KIAA1671: variants seen among roughly 807,000 people sequenced by gnomAD.
KIAA1671 encodes uncharacterized protein KIAA1671.
In KIAA1671, 52 loss-of-function variants were observed where a neutral mutation model predicts 131.2. The ratio of observed to expected loss-of-function variants is 0.40; its 90% CI spans 0.32 to 0.50. The LOEUF (loss-of-function observed/expected upper bound fraction) is 0.50, where lower values mean the gene tolerates loss of function less well. Among genes scored for constraint, KIAA1671 ranks in the 20% least tolerant of loss-of-function variants. The pLI is 0.73. For synonymous variants in KIAA1671, 1,003 were observed against 961.6 expected, an observed-to-expected ratio of 1.04 and a Z score of -0.80; for missense variants, 2,360 against 2,364.2, an observed-to-expected ratio of 1.00 and a Z score of 0.04.
chr22:25,106,439 G>C (rs1931008974), intron 6 of KIAA1671, among the ~76,000 whole-genome samples: 1 of 152,208 alleles, frequency 6.6e-6, no homozygotes, highest in South Asian at 2.1e-4. Context: ...GCACCTTCTA[G>C]AAAAGGGGAT....
At chr22:25,079,365 G>A (rs143128480) in intron 6 of KIAA1671, among the ~76,000 whole-genome samples, 10 of 152,228 alleles carry the variant, frequency 6.6e-5, no homozygotes, top group African/African-American at 2.4e-4. Flanking sequence ...GAGGACCTGT[G>A]ATTATAGGGG....
At chr22:25,031,728 C>T (rs1433429135) in intron 3 of KIAA1671, among the ~76,000 whole-genome samples, 12 of 152,190 alleles carry the variant, frequency 7.9e-5, no homozygotes, top group African/African-American at 1.9e-4. Context: ...ACCTATGCCA[C>T]GGTCCTAATA....
chr22:25,117,087 A>G (rs192104893), intron 6 of KIAA1671, among the ~76,000 whole-genome samples: 172 of 152,310 alleles, frequency 1.1e-3, no homozygotes, highest in African/African-American at 3.1e-3. Flanking sequence ...TGTGACAACC[A>G]AAAATATCCA....
chr22:25,116,782 C>T (rs547667716), intron 6 of KIAA1671, among the ~76,000 whole-genome samples: 14 of 152,140 alleles, frequency 9.2e-5, no homozygotes, highest in East Asian at 5.8e-4. Context: ...TGGCTGTGAA[C>T]GAAAGAGACA....
intron 11 of KIAA1671, among the ~76,000 whole-genome samples, chr22:25,187,245 A>G (rs928641830): frequency 6.6e-6 from 1 of 152,276 alleles, no homozygotes; most frequent in East Asian, 1.9e-4. Flanking sequence ...GTGTTTGATT[A>G]TAAAAGCAGT....
chr22:25,157,261 C>A (rs908486889), intron 6 of KIAA1671, among the ~76,000 whole-genome samples: 1 of 152,190 alleles, frequency 6.6e-6, no homozygotes, highest in African/African-American at 2.4e-5. Flanking sequence ...CCTCTAGTCA[C>A]GCAATTCCTC....
intron 6 of KIAA1671, among the ~76,000 whole-genome samples, chr22:25,107,282 T>G (rs1028807186): frequency 3.3e-5 from 5 of 151,876 alleles, no homozygotes; most frequent in Non-Finnish European, 7.4e-5. Flanking sequence ...CCGGGCGTGG[T>G]GGCAGGCACC....
intron 6 of KIAA1671, among the ~76,000 whole-genome samples, chr22:25,151,694 C>G (rs1405494844): frequency 1.3e-5 from 2 of 152,044 alleles, no homozygotes; most frequent in African/African-American, 4.8e-5. Context: ...GCCTCCCCGG[C>G]CTCCCAAAGT....
At chr22:25,074,152 T>A (rs896624381) in intron 6 of KIAA1671, among the ~76,000 whole-genome samples, 1 of 151,910 alleles carries the variant, frequency 6.6e-6, no homozygotes, top group African/African-American at 2.4e-5. Context: ...AAAGGCTGTA[T>A]AATCTGTTGT....
chr22:25,064,414 T>C (rs1928355232), intron 6 of KIAA1671: 1 of 152,224 alleles, frequency 6.6e-6, no homozygotes, highest in Non-Finnish European at 1.5e-5. Flanking sequence ...TTGTACGTAG[T>C]ACCTCATTCA....
chr22:25,002,483 T>G (rs1017456968), intron 1 of KIAA1671, among the ~76,000 whole-genome samples: 1 of 152,132 alleles, frequency 6.6e-6, no homozygotes, highest in Non-Finnish European at 1.5e-5. Context: ...CTTCCTTTAG[T>G]CTTTGGTGGA....
chr22:24,970,269 A>G lies in KIAA1671; in HGVS notation c.-208+17497A>G, dbSNP rs192267674. On this transcript the variant is annotated intron_variant, in intron 1 of 12. Transcript: ENST00000358431. ...GGGAGAAGGACAAGGTCGGCCCACT[A>G]CCTCCAAGAAGGTCTGAAAGCCATG... 2.0e-5 allele frequency among the ~76,000 whole-genome samples: 3 copies of G among 152,094 alleles called. No homozygotes were observed. In the East Asian group the frequency reaches 5.8e-4, roughly 29 times the overall value.
At chr22:25,041,622 A>G in intron 5 of KIAA1671, 97 bp downstream of exon 5, 2 of 1,282,782 alleles carry the variant, frequency 1.6e-6, no homozygotes, top group East Asian at 2.5e-5. Flanking sequence ...CTTTGGGTAC[A>G]TAAATGAGTG....
intron 12 of KIAA1671, among the ~76,000 whole-genome samples, chr22:25,191,111 G>A (rs1302646549): frequency 6.6e-6 from 1 of 151,912 alleles, no homozygotes; most frequent in Non-Finnish European, 1.5e-5. Flanking sequence ...AAAAGGGCGG[G>A]GACATCAGAG....
chr22:25,146,560 G>A (rs1280480567), intron 6 of KIAA1671, among the ~76,000 whole-genome samples: 1 of 152,178 alleles, frequency 6.6e-6, no homozygotes, highest in African/African-American at 2.4e-5. Flanking sequence ...AGAAACTTAG[G>A]AAGTGACATT....
At chr22:25,018,846 A>G (rs1925489255) in intron 1 of KIAA1671, among the ~76,000 whole-genome samples, 1 of 152,194 alleles carries the variant, frequency 6.6e-6, no homozygotes, top group South Asian at 2.1e-4. Flanking sequence ...GGTTATGATG[A>G]ATAATACTGC....
intron 6 of KIAA1671, among the ~76,000 whole-genome samples, chr22:25,115,551 G>A (rs2145920570): frequency 6.6e-6 from 1 of 152,264 alleles, no homozygotes. Flanking sequence ...TGGCATGCAG[G>A]AGGTGCTGAA....
rs1198825825 is a variant in KIAA1671 at position 25,028,370 on chromosome 22, C to T, written c.371C>T (p.Pro124Leu). The change falls in exon 3 of 13, where the codon CCG becomes CTG. Residue 124 changes from proline (P) to leucine (L), a missense_variant. Transcript: ENST00000358431. ...CAGGAGGTGGGCAGTGGGGAGGGCC[C>T]GAGGACGAGCTCGCCCCTCTTCAAC... ...VGQEVGSGEG[P>L]RTSSPLFNKA... 11 of 1,550,810 alleles carry T rather than the reference C, an allele frequency of 7.1e-6. No individual in the cohort carries two copies. The highest frequency in any genetic ancestry group is 9.6e-6 in the Non-Finnish European group (11 of 1,146,930).
At chr22:25,157,570 A>C (rs2027887) in intron 6 of KIAA1671, among the ~76,000 whole-genome samples, 42,104 of 152,068 alleles carry the variant, frequency 0.28, 6,761 homozygotes, top group Non-Finnish European at 0.34. Context: ...ACTCATCGTA[A>C]CCTTAGAACT....
Sources: gnomAD v4.1 joint callset for allele counts (sites outside exome capture counted in the v4.1 genomes callset) on GRCh38, gnomAD v4.1.1 for gene constraint, MANE v1.5 for transcripts, NCBI Gene and HGNC (gene_info 2026-07-23, HGNC 2026-07-21) for gene names.